The following PTN variants were observed in gnomAD, a reference collection of about 807,000 sequenced individuals.
PTN encodes the protein pleiotrophin, also known as heparin affin regulatory protein.
PTN carries 18 observed loss-of-function variants against 24.1 expected under a neutral mutation model. The observed-to-expected ratio is 0.75, with a 90% CI of 0.52 to 1.11. The LOEUF (loss-of-function observed/expected upper bound fraction) is 1.11, where lower values mean the gene tolerates loss of function less well. Ranked by LOEUF, PTN falls within the 50% of genes least tolerant of loss-of-function variation. The pLI is 0.00. For missense variants in PTN, 163 were observed against 198.8 expected (o/e 0.82, Z 1.08); for synonymous variants, 78 against 68.6 (o/e 1.14, Z -0.67).
At chr7:137,231,319 T>A (rs1041719747) in intron 4 of PTN, among the ~76,000 whole-genome samples, 2 of 151,934 alleles carry the variant, frequency 1.3e-5, no homozygotes, top group Non-Finnish European at 2.9e-5. Flanking sequence ...ATCCTTTTCA[T>A]ATTATTTCCT....
intron 1 of PTN, chr7:137,325,409 A>G (rs1359852958): frequency 2.0e-5 from 3 of 152,234 alleles, no homozygotes; most frequent in Admixed American, 2.0e-4. Context: ...GGAGTGGGAT[A>G]AAGAAAATAT....
chr7:137,228,199 T>C, intron 4 of PTN, 124 bp from the exon 5 acceptor site: 1 of 655,026 alleles, frequency 1.5e-6, no homozygotes, highest in South Asian at 1.8e-5. Flanking sequence ...TGTTTGCTCT[T>C]GGTAGTTCTC....
intron 1 of PTN, among the ~76,000 whole-genome samples, chr7:137,330,596 A>G (rs1463505337): frequency 6.6e-6 from 1 of 152,284 alleles, no homozygotes; most frequent in East Asian, 1.9e-4. Context: ...AATGAAAACA[A>G]TGCGTTAGAC....
chr7:137,240,004 T>C (rs1254540311), intron 4 of PTN, among the ~76,000 whole-genome samples: 1 of 152,104 alleles, frequency 6.6e-6, no homozygotes, highest in East Asian at 1.9e-4. Flanking sequence ...GCTTGTTTCG[T>C]TTAGAACACC....
intron 4 of PTN, among the ~76,000 whole-genome samples, chr7:137,228,640 G>T (rs1309853269): frequency 6.6e-6 from 1 of 151,820 alleles, no homozygotes; most frequent in Non-Finnish European, 1.5e-5. Flanking sequence ...TAAACCATAT[G>T]TACTCTCTCT....
intron 1 of PTN, among the ~76,000 whole-genome samples, chr7:137,311,231 C>T (rs1417990213): frequency 3.9e-5 from 4 of 101,588 alleles, no homozygotes; most frequent in Non-Finnish European, 8.4e-5. Flanking sequence ...GACTCCATTT[C>T]AAAAAAAAAA....
At chr7:137,334,856 T>A (rs1446194733) in intron 1 of PTN, among the ~76,000 whole-genome samples, 1 of 151,916 alleles carries the variant, frequency 6.6e-6, no homozygotes, top group Non-Finnish European at 1.5e-5. Context: ...TGGAATACTA[T>A]GCAGCCATAA....
At chr7:137,315,628 TC>T (rs1295269399) in intron 1 of PTN, among the ~76,000 whole-genome samples, 1 of 152,080 alleles carries the variant, frequency 6.6e-6, no homozygotes, top group African/African-American at 2.4e-5. Flanking sequence ...ACACCCAGGA[TC>T]TTAAACCACC....
At chr7:137,254,833 C>A in intron 2 of PTN, 26 bp downstream of exon 2, 1 of 1,461,224 alleles carries the variant, frequency 6.8e-7, no homozygotes, top group Non-Finnish European at 9.3e-7. Context: ...AATGAAGCAT[C>A]TTGCCTTCAG....
chr7:137,286,593 GATAA>G (rs1465666054), intron 1 of PTN, among the ~76,000 whole-genome samples: 2 of 152,150 alleles, frequency 1.3e-5, no homozygotes, highest in Non-Finnish European at 2.9e-5. Flanking sequence ...GTCCATCGAA[GATAA>G]ATAATTTCTT....
At chr7:137,229,961 T>C (rs896018640) in intron 4 of PTN, among the ~76,000 whole-genome samples, 1 of 151,820 alleles carries the variant, frequency 6.6e-6, no homozygotes, top group African/African-American at 2.4e-5. Flanking sequence ...GGATTTCAAC[T>C]GAGACCTAAC....
intron 1 of PTN, among the ~76,000 whole-genome samples, chr7:137,284,589 T>G (rs1291565227): frequency 2.6e-5 from 4 of 152,206 alleles, no homozygotes; most frequent in African/African-American, 9.7e-5. Flanking sequence ...TTTATTGCCA[T>G]AGAGTATCTT....
In PTN at chr7:137,247,706, C is replaced by T. The variant is rs1383948661; in HGVS notation, c.451+3524G>A. Among the ~76,000 whole-genome samples, 3 of 152,160 alleles carry T rather than the reference C, an allele frequency of 2.0e-5. No individual in the cohort carries two copies. The East Asian group carries it at 5.8e-4, about 29-fold the overall frequency. ...TAAATGCTTGAGGGGATGGACACTG[C>T]ATTCTCCATAATATGCTTATTTCAT... On this transcript the variant is annotated intron_variant, in intron 4 of 4. Coordinates refer to ENST00000348225, the MANE Select transcript of PTN (RefSeq NM_002825.7).
intron 1 of PTN, among the ~76,000 whole-genome samples, chr7:137,259,608 T>C: frequency 6.6e-6 from 1 of 151,274 alleles, no homozygotes; most frequent in Middle Eastern, 3.4e-3. Context: ...TACAAAGAAG[T>C]GCTTTTTTTA....
At chr7:137,299,787 G>C (rs946330468) in intron 1 of PTN, among the ~76,000 whole-genome samples, 2 of 151,848 alleles carry the variant, frequency 1.3e-5, no homozygotes, top group Non-Finnish European at 2.9e-5. Context: ...CTGTGCTTGA[G>C]AATCAGCCCT....
rs1277760505 is a variant in PTN at position 137,267,977 on chromosome 7, CAAAACA to C, written c.-1-13009_-1-13004del. Among the ~76,000 whole-genome samples, 4 of 151,932 alleles carry C rather than the reference CAAAACA, an allele frequency of 2.6e-5. 1 individual carries two copies. In the South Asian group the frequency reaches 8.3e-4, roughly 32 times the overall value. ...TCCTGTCAAGCAATTCAAACCAAGTCAAAACAAAAACAAAAACCAAAGAGCCCATAA... is the reference window on the plus strand; with the variant it reads ...TCCTGTCAAGCAATTCAAACCAAGTCAAAACAAAAACCAAAGAGCCCATAA... On this transcript the variant is annotated intron_variant, in intron 1 of 4. Transcript: ENST00000348225.
intron 4 of PTN, among the ~76,000 whole-genome samples, chr7:137,229,395 T>C (rs1382731766): frequency 1.3e-5 from 2 of 151,756 alleles, no homozygotes; most frequent in African/African-American, 4.8e-5. Flanking sequence ...AAGAGGACCA[T>C]AAGACTTATG....
intron 1 of PTN, among the ~76,000 whole-genome samples, chr7:137,318,310 T>C (rs932832494): frequency 2.6e-5 from 4 of 152,132 alleles, no homozygotes; most frequent in African/African-American, 7.2e-5. Flanking sequence ...TGAGAGCACA[T>C]TGAAGAAAAG....
chr7:137,320,631 T>A (rs2128881100), intron 1 of PTN, among the ~76,000 whole-genome samples: 1 of 152,232 alleles, frequency 6.6e-6, no homozygotes, highest in Non-Finnish European at 1.5e-5. Flanking sequence ...AGCAAAATTT[T>A]GATTTTTTTT....
Sources: gnomAD v4.1 joint callset for allele counts (sites outside exome capture counted in the v4.1 genomes callset) on GRCh38, gnomAD v4.1.1 for gene constraint, MANE v1.5 for transcripts, NCBI Gene and HGNC (gene_info 2026-07-23, HGNC 2026-07-21) for gene names.